LDB3: variants seen among roughly 807,000 people sequenced by gnomAD.
The protein encoded by LDB3 is LIM domain-binding protein 3.
A neutral mutation model predicts 69.0 loss-of-function variants in LDB3; 49 were observed. The ratio of observed to expected loss-of-function variants is 0.71; its 90% confidence interval spans 0.56 to 0.90. The LOEUF is 0.90. LDB3 is among the 40% of genes least tolerant of loss of function. LDB3 has a pLI of 0.00. For missense variants in LDB3, 928 were observed against 974.1 expected (o/e 0.95, Z 0.63); for synonymous variants, 387 against 396.2 (o/e 0.98, Z 0.28).
Position 86,710,007 on chromosome 10 carries a change from G to T in LDB3, c.1188G>T (p.Arg396=), listed in dbSNP as rs773652399. The change falls in exon 9 of 14, where the codon CGG becomes CGT. Residue 396 remains arginine (R), a synonymous_variant. Coordinates refer to ENST00000361373, the MANE Select transcript of LDB3 (RefSeq NM_007078.3). ...EGPAAPAPKP[R]VVTTASIRPS... is the part of the protein sequence containing the mutation. ...CCGCCGCCCCTGCACCCAAGCCCCG[G>T]GTTGTCACCACTGCCAGCATCCGGC... 1 of 1,613,232 alleles carries T rather than the reference G, an allele frequency of 6.2e-7. No individual in the cohort carries two copies. Among genetic ancestry groups the T allele is most frequent in the Non-Finnish European group, 8.5e-7 (1 of 1,180,016 alleles).
At chr10:86,684,644 C>T (rs369860316) in intron 5 of LDB3, among the ~76,000 whole-genome samples, 17 of 152,280 alleles carry the variant, frequency 1.1e-4, no homozygotes, top group African/African-American at 4.1e-4. Flanking sequence ...TCCCTGGGAC[C>T]GGGGACCACT....
intron 9 of LDB3, among the ~76,000 whole-genome samples, chr10:86,711,835 G>C (rs1267078904): frequency 1.3e-5 from 2 of 150,016 alleles, no homozygotes; most frequent in Non-Finnish European, 1.5e-5. Context: ...GCCGGGCGGC[G>C]GCCAGGCGCT....
intron 2 of LDB3, among the ~76,000 whole-genome samples, chr10:86,673,999 T>TC (rs1024213529): frequency 6.6e-6 from 1 of 151,846 alleles, no homozygotes; most frequent in African/African-American, 2.4e-5. Context: ...TTTCCTCCCC[T>TC]CCCCCCAACA....
intron 4 of LDB3, among the ~76,000 whole-genome samples, chr10:86,680,492 G>A (rs182140045): frequency 6.6e-6 from 1 of 152,328 alleles, no homozygotes; most frequent in Non-Finnish European, 1.5e-5. Flanking sequence ...GGGGACGAGC[G>A]TCCAGGCTCT....
chr10:86,732,087 C>T (rs1021100874), intron 13 of LDB3, among the ~76,000 whole-genome samples: 4 of 149,914 alleles, frequency 2.7e-5, no homozygotes, highest in African/African-American at 9.8e-5. Flanking sequence ...TCAAACGATC[C>T]TCCTGCCTTG....
intron 13 of LDB3, among the ~76,000 whole-genome samples, chr10:86,731,839 CT>C (rs35644119): frequency 0.24 from 35,350 of 145,656 alleles, 4,770 homozygotes; most frequent in East Asian, 0.58. Context: ...TGATTGAATA[CT>C]TTTTTTTTTT....
intron 9 of LDB3, among the ~76,000 whole-genome samples, chr10:86,714,951 C>T (rs1399214881): frequency 6.6e-6 from 1 of 152,112 alleles, no homozygotes; most frequent in Non-Finnish European, 1.5e-5. Context: ...TGGATGGATC[C>T]TATCTACCTG....
At chr10:86,674,233 C>A (rs879636014) in intron 2 of LDB3, among the ~76,000 whole-genome samples, 4 of 152,184 alleles carry the variant, frequency 2.6e-5, no homozygotes, top group Non-Finnish European at 5.9e-5. Context: ...CTTACATAAT[C>A]CCCTGTTTAA....
chr10:86,677,184 C>T (rs1367619044), intron 2 of LDB3, among the ~76,000 whole-genome samples: 1 of 152,186 alleles, frequency 6.6e-6, no homozygotes, highest in Non-Finnish European at 1.5e-5. Flanking sequence ...GCCTGCATGG[C>T]ACTCCTCATG....
At chr10:86,726,487 C>A in intron 13 of LDB3, 1 of 548,324 alleles carries the variant, frequency 1.8e-6, no homozygotes, top group Non-Finnish European at 3.3e-6. Context: ...TTAAGGACAA[C>A]AGAGTGTCCC....
Position 86,735,688 on chromosome 10 carries a change from G to A in LDB3, c.*2712G>A, listed in dbSNP as rs771793527. 6.7e-6 allele frequency: 1 copy of A among 150,268 alleles called. No homozygotes were observed. Among genetic ancestry groups the A allele is most frequent in the Non-Finnish European group, 1.5e-5 (1 of 67,900 alleles). The allele number at this position is 150,268 out of a possible 1,614,324, so 9.3% of individuals were successfully genotyped here. Reference sequence around the variant, plus strand: ...TCCAGCTACTTGGGAGGCTGAGGCAGGAATCTCCTGAATCCTGGAGGCGGA... The same window carrying A: ...TCCAGCTACTTGGGAGGCTGAGGCAAGAATCTCCTGAATCCTGGAGGCGGA... On this transcript the variant is annotated 3_prime_UTR_variant, in exon 14 of 14. Coordinates refer to ENST00000361373, the MANE Select transcript of LDB3 (RefSeq NM_007078.3).
At chr10:86,697,915 T>C (rs1156945032) in intron 7 of LDB3, among the ~76,000 whole-genome samples, 1 of 152,216 alleles carries the variant, frequency 6.6e-6, no homozygotes, top group African/African-American at 2.4e-5. Context: ...TAAGAAATAA[T>C]AGAGATCCCT....
chr10:86,674,908 G>T (rs1347597199), intron 2 of LDB3, among the ~76,000 whole-genome samples: 1 of 152,090 alleles, frequency 6.6e-6, no homozygotes, highest in Non-Finnish European at 1.5e-5. Context: ...GTGGGGTGAA[G>T]GCATCCGATG....
At chr10:86,669,460 T>C (rs1346407054) in intron 2 of LDB3, among the ~76,000 whole-genome samples, 1 of 152,210 alleles carries the variant, frequency 6.6e-6, no homozygotes, top group Non-Finnish European at 1.5e-5. Context: ...GGGAGCAGCA[T>C]GGCCTGATGC....
chr10:86,671,649 C>T (rs1011757077), intron 2 of LDB3, among the ~76,000 whole-genome samples: 4 of 152,220 alleles, frequency 2.6e-5, no homozygotes, highest in African/African-American at 7.2e-5. Context: ...AGGCCTCTGC[C>T]CTGGCAGCTG....
chr10:86,688,845 T>A (rs6586023), intron 5 of LDB3, among the ~76,000 whole-genome samples: 93,159 of 152,076 alleles, frequency 0.61, 30,542 homozygotes, highest in Non-Finnish European at 0.76. Context: ...TGCTATCATT[T>A]GGTCTCACCA....
At chr10:86,711,788 C>T (rs1846678812) in intron 9 of LDB3, among the ~76,000 whole-genome samples, 1 of 149,342 alleles carries the variant, frequency 6.7e-6, no homozygotes, top group South Asian at 2.1e-4. Flanking sequence ...CGCGGAGACC[C>T]TGCGCGCGGG....
chr10:86,667,915 A>G (rs1216771603), upstream of LDB3, among the ~76,000 whole-genome samples: 1 of 151,866 alleles, frequency 6.6e-6, no homozygotes, highest in African/African-American at 2.4e-5. Context: ...ACCTGGGTCC[A>G]CTCCTTGTGT....
rs1200681894 is a variant in LDB3, at chr10:86,710,055, G to A, written c.1231+5G>A. On this transcript the variant is annotated splice_donor_5th_base_variant and intron_variant, in intron 9 of 13. Coordinates refer to ENST00000361373, the MANE Select transcript of LDB3 (RefSeq NM_007078.3). Reference sequence around the variant, plus strand: ...GGCCTTCTGTCTACCAGCCAGGTAAGAGGCAGAGCAGGAGGGGAGGCTGTC... The same window carrying A: ...GGCCTTCTGTCTACCAGCCAGGTAAAAGGCAGAGCAGGAGGGGAGGCTGTC... The A allele has an allele frequency of 1.2e-6, 2 of 1,612,320 alleles. No homozygotes were observed. The highest frequency in any genetic ancestry group is 2.2e-5 in the East Asian group (1 of 44,890).
Sources: allele counts gnomAD v4.1 joint callset (sites outside exome capture counted in the v4.1 genomes callset), GRCh38; gene constraint gnomAD v4.1.1; transcripts MANE v1.5; gene names NCBI Gene and HGNC (gene_info 2026-07-23, HGNC 2026-07-21).